ARHGAP10: variants seen among roughly 807,000 people sequenced by gnomAD.
ARHGAP10 encodes rho GTPase-activating protein 10.
In ARHGAP10, 87 loss-of-function variants were observed where a neutral mutation model predicts 108.6. The ratio of observed to expected loss-of-function variants is 0.80; its 90% confidence interval spans 0.67 to 0.96. ARHGAP10 has a LOEUF of 0.96. ARHGAP10 is among the 40% of genes least tolerant of loss of function. The pLI is 0.00. For missense variants in ARHGAP10, 939 were observed against 954.5 expected, an observed-to-expected ratio of 0.98 and a Z score of 0.21; for synonymous variants, 347 against 341.1, an observed-to-expected ratio of 1.02 and a Z score of -0.19.
chr4:148,063,952 C>T (rs577905481), intron 21 of ARHGAP10, among the ~76,000 whole-genome samples: 2 of 152,328 alleles, frequency 1.3e-5, no homozygotes, highest in Middle Eastern at 3.4e-3. Flanking sequence ...CAAGCCCCTT[C>T]TAGAGCGGTG....
rs574533308 is a variant in ARHGAP10 at position 147,907,243 on chromosome 4, A to T, written c.1116+524A>T. 2.0e-5 allele frequency among the ~76,000 whole-genome samples: 3 copies of T among 152,216 alleles called. No individual in the cohort carries two copies. In the South Asian group the frequency reaches 6.2e-4, roughly 32 times the overall value. The stretch of plus-strand genomic sequence containing the variant: ...TGAGGAATAAATTGAAGGTAGTGGT[A>T]TAGATCCAGAGGCACCAAGATTCAG... On this transcript the variant is annotated intron_variant, in intron 11 of 22. Coordinates refer to ENST00000336498, the MANE Select transcript of ARHGAP10 (RefSeq NM_024605.4).
intron 14 of ARHGAP10, among the ~76,000 whole-genome samples, 179 bp downstream of exon 14, chr4:147,940,078 C>T (rs889025315): frequency 1.4e-4 from 21 of 152,212 alleles, no homozygotes; most frequent in African/African-American, 4.6e-4. Flanking sequence ...TTTGCATCAG[C>T]ATAGATTGTC....
At chr4:148,047,162 GC>G (rs1459077046) in intron 20 of ARHGAP10, 111 bp downstream of exon 20, 9 of 1,333,594 alleles carry the variant, frequency 6.7e-6, no homozygotes, top group Non-Finnish European at 3.0e-6. Flanking sequence ...AGATCTAGGA[GC>G]CCTTGTTTTC....
intron 4 of ARHGAP10, among the ~76,000 whole-genome samples, chr4:147,852,315 C>G (rs1733903597): frequency 6.6e-6 from 1 of 152,206 alleles, no homozygotes; most frequent in South Asian, 2.1e-4. Flanking sequence ...GTTGGTGCTG[C>G]TGCAGTCCTG....
intron 1 of ARHGAP10, among the ~76,000 whole-genome samples, chr4:147,791,590 T>C (rs1332086156): frequency 6.6e-6 from 1 of 152,100 alleles, no homozygotes; most frequent in African/African-American, 2.4e-5. Flanking sequence ...TGTTTGTTTG[T>C]TTTTTGTTTT....
chr4:147,737,070 T>C (rs1728446426), intron 1 of ARHGAP10, among the ~76,000 whole-genome samples: 1 of 152,190 alleles, frequency 6.6e-6, no homozygotes, highest in Non-Finnish European at 1.5e-5. Context: ...TTGAATGTCT[T>C]GTTAAATGAC....
At chr4:147,884,273 C>T (rs554947692) in intron 10 of ARHGAP10, among the ~76,000 whole-genome samples, 30 of 152,252 alleles carry the variant, frequency 2.0e-4, no homozygotes, top group Non-Finnish European at 3.7e-4. Flanking sequence ...CCACTCTCCA[C>T]CCCTCAAAGA....
chr4:147,955,251 TA>T (rs980510956), intron 15 of ARHGAP10, 64 bp from the exon 16 acceptor site: 17 of 1,460,928 alleles, frequency 1.2e-5, no homozygotes, highest in Non-Finnish European at 1.5e-5. Flanking sequence ...CATCCTTTCA[TA>T]AAAAAACTCA....
intron 4 of ARHGAP10, among the ~76,000 whole-genome samples, chr4:147,847,692 T>C (rs943264471): frequency 6.6e-6 from 1 of 152,220 alleles, no homozygotes; most frequent in African/African-American, 2.4e-5. Flanking sequence ...GAGCCTCTAT[T>C]ATGTGCAAGT....
At chr4:147,886,054 C>A (rs1735540096) in intron 10 of ARHGAP10, among the ~76,000 whole-genome samples, 1 of 152,122 alleles carries the variant, frequency 6.6e-6, no homozygotes, top group Non-Finnish European at 1.5e-5. Context: ...TACAAAGTTA[C>A]CTACAGGCTA....
At chr4:147,775,912 A>G (rs1730270289) in intron 1 of ARHGAP10, among the ~76,000 whole-genome samples, 1 of 152,110 alleles carries the variant, frequency 6.6e-6, no homozygotes, top group Admixed American at 6.5e-5. Flanking sequence ...CCTTCCCACA[A>G]CAACATCTCC....
rs187655491 is a variant in ARHGAP10, at chr4:147,787,409, G to A, written c.155-35318G>A. On this transcript the variant is annotated intron_variant, in intron 1 of 22. Transcript: ENST00000336498. ...AGGGGGAGAAGATGAAGCTCATGAA[G>A]GTGAAAATGAATCACTCTCTTGGCT... Among the ~76,000 whole-genome samples the A allele has an allele frequency of 2.0e-5, 3 of 151,326 alleles. No homozygotes were observed. The East Asian group carries it at 5.9e-4, about 30-fold the overall frequency.
At chr4:147,867,406 G>A (rs959855567) in intron 7 of ARHGAP10, among the ~76,000 whole-genome samples, 21 of 152,126 alleles carry the variant, frequency 1.4e-4, no homozygotes, top group Admixed American at 2.6e-4. Context: ...TCCTGGAAGC[G>A]TCCTCACTGA....
chr4:148,048,759 CG>C (rs1288458057), intron 20 of ARHGAP10, among the ~76,000 whole-genome samples: 1 of 152,150 alleles, frequency 6.6e-6, no homozygotes, highest in African/African-American at 2.4e-5. Context: ...TTATGAGCCA[CG>C]GTACAGCCAA....
chr4:147,923,872 C>G (rs1336577075), intron 13 of ARHGAP10, among the ~76,000 whole-genome samples: 1 of 152,138 alleles, frequency 6.6e-6, no homozygotes, highest in Non-Finnish European at 1.5e-5. Flanking sequence ...CAGAGTGAAC[C>G]TGAAACATAT....
intron 4 of ARHGAP10, among the ~76,000 whole-genome samples, chr4:147,855,451 T>TA (rs1667792328): frequency 1.3e-5 from 2 of 152,042 alleles, no homozygotes. Flanking sequence ...AGTTGTAAAT[T>TA]AAAAAAACCT....
chr4:147,805,321 T>A (rs1161722610), intron 1 of ARHGAP10, among the ~76,000 whole-genome samples: 1 of 152,196 alleles, frequency 6.6e-6, no homozygotes, highest in East Asian at 1.9e-4. Context: ...TCTATTCTGT[T>A]CCATTTGTCT....
chr4:147,742,944 T>C (rs554405049), intron 1 of ARHGAP10, among the ~76,000 whole-genome samples: 2 of 150,062 alleles, frequency 1.3e-5, no homozygotes, highest in East Asian at 2.0e-4. Context: ...AAGCCAGAAG[T>C]ACAAGGGAAT....
Position 147,866,805 on chromosome 4 carries a change from A to C in ARHGAP10, c.691A>C (p.Asn231His). 6.2e-7 allele frequency: 1 copy of C among 1,606,746 alleles called. No homozygotes were observed. The highest frequency in any genetic ancestry group is 8.5e-7 in the Non-Finnish European group (1 of 1,173,658). ...FNHYKMELQINIQNTRNRFEG... is the reference protein window; with the variant it reads ...FNHYKMELQIHIQNTRNRFEG... ...TCACTACAAAATGGAACTACAGATC[A>C]ACATTCAGAATGTAAGGAAGTGAAA... is the stretch of plus-strand genomic sequence containing the variant. The change falls in exon 7 of 23, where the codon AAC becomes CAC. Residue 231 changes from asparagine to histidine, a missense_variant. Physicochemically the swap from Asn to His is moderately conservative, Grantham distance 68 (BLOSUM62 1). Coordinates refer to ENST00000336498, the MANE Select transcript of ARHGAP10 (RefSeq NM_024605.4).
Sources: allele counts gnomAD v4.1 joint callset (sites outside exome capture counted in the v4.1 genomes callset), GRCh38; gene constraint gnomAD v4.1.1; transcripts MANE v1.5; gene names NCBI Gene and HGNC (gene_info 2026-07-23, HGNC 2026-07-21).